Variants in STK32B observed in about 807,000 individuals in gnomAD.
The protein encoded by STK32B is serine/threonine-protein kinase 32B.
In STK32B, 43 loss-of-function variants were observed where a neutral mutation model predicts 52.6. The observed-to-expected ratio is 0.82, with a 90% CI of 0.64 to 1.05. The LOEUF is 1.05. Ranked by LOEUF, STK32B falls within the 50% of genes least tolerant of loss-of-function variation. STK32B has a pLI of 0.00. For synonymous variants in STK32B, 238 were observed against 204.3 expected, an observed-to-expected ratio of 1.17 and a Z score of -1.41; for missense variants, 621 against 534.6, an observed-to-expected ratio of 1.16 and a Z score of -1.59.
At chr4:5,091,835 G>A (rs7693469) in intron 1 of STK32B, among the ~76,000 whole-genome samples, 55,507 of 152,140 alleles carry the variant, frequency 0.36, 10,660 homozygotes, top group Middle Eastern at 0.45. Context: ...TAAACATAAT[G>A]TGGTGTATCC....
chr4:5,206,158 T>C (rs769228162), intron 3 of STK32B, among the ~76,000 whole-genome samples: 9 of 152,198 alleles, frequency 5.9e-5, no homozygotes, highest in South Asian at 2.1e-4. Context: ...TAGTCAAATA[T>C]CTTTCTATGT....
intron 1 of STK32B, among the ~76,000 whole-genome samples, chr4:5,112,514 C>G (rs904578837): frequency 2.0e-5 from 3 of 152,132 alleles, no homozygotes; most frequent in African/African-American, 4.8e-5. Flanking sequence ...TTCCCTTCTA[C>G]TAGAGGAAGG....
chr4:5,336,517 G>A (rs945952471), intron 4 of STK32B, among the ~76,000 whole-genome samples: 1 of 151,910 alleles, frequency 6.6e-6, no homozygotes, highest in Non-Finnish European at 1.5e-5. Context: ...ATGTTCAGAC[G>A]ATAAAAGAAG....
rs1717495815 is a variant in STK32B at position 5,467,052 on chromosome 4, G to A, written c.1041+218G>A. 6.6e-6 allele frequency among the ~76,000 whole-genome samples: 1 copy of A among 152,228 alleles called. No individual in the cohort carries two copies. Among genetic ancestry groups the A allele is most frequent in the African/African-American group, 2.4e-5 (1 of 41,472 alleles). ...TTCCTTGAGCGCTATTCCTACAGCA[G>A]GAAGCTTGTGTAGCTCTAAGGCAGG... On this transcript the variant is annotated intron_variant, in intron 10 of 11. Transcript: ENST00000282908. The surrounding 1 kb of genome is among the most constrained non-coding windows in gnomAD (Gnocchi z 5.8).
chr4:5,171,574 C>G (rs1176761358), intron 3 of STK32B, among the ~76,000 whole-genome samples: 2 of 152,026 alleles, frequency 1.3e-5, no homozygotes, highest in Non-Finnish European at 1.5e-5. Context: ...AATCCTTTCC[C>G]CATTGCTTGT....
At chr4:5,478,617 TGTTGTATTAGA>T (rs924902879) in intron 11 of STK32B, among the ~76,000 whole-genome samples, 2 of 152,156 alleles carry the variant, frequency 1.3e-5, no homozygotes, top group African/African-American at 4.8e-5. Context: ...ACTGGAAAGA[TGTTGTATTAGA>T]GTCCCAGAGA....
At chr4:5,081,742 A>T (rs58518403) in intron 1 of STK32B, among the ~76,000 whole-genome samples, 3,269 of 151,902 alleles carry the variant, frequency 0.022, 132 homozygotes, top group African/African-American at 0.074. Context: ...TATTCTTTCC[A>T]TCTCTTTGTT....
intron 1 of STK32B, chr4:5,127,035 C>G: frequency 2.1e-6 from 1 of 476,454 alleles, no homozygotes; most frequent in South Asian, 1.5e-5. Context: ...TCAGAATGCT[C>G]AATGCTGAGA....
intron 3 of STK32B, among the ~76,000 whole-genome samples, chr4:5,306,388 G>T (rs892328933): frequency 6.6e-6 from 1 of 152,126 alleles, no homozygotes; most frequent in Non-Finnish European, 1.5e-5. Flanking sequence ...GGGAACTCCA[G>T]CGTTAGGTTC....
At chr4:5,040,160 A>C in the STK32B span, among the ~76,000 whole-genome samples, 2 of 152,178 alleles carry the variant, frequency 1.3e-5, no homozygotes. Flanking sequence ...CTGCAAAGGC[A>C]ATTGGAACAC....
chr4:5,075,570 TA>T (rs1204674996), intron 1 of STK32B, among the ~76,000 whole-genome samples: 2 of 152,152 alleles, frequency 1.3e-5, no homozygotes, highest in Non-Finnish European at 1.5e-5. Context: ...CTCCTTTTAA[TA>T]TTAGTTTATC....
intron 3 of STK32B, among the ~76,000 whole-genome samples, chr4:5,196,295 T>C (rs1446596154): frequency 6.7e-6 from 1 of 149,900 alleles, no homozygotes; most frequent in Non-Finnish European, 1.5e-5. Context: ...TCTTCTTCTT[T>C]CCTTTTCCCT....
the STK32B span, among the ~76,000 whole-genome samples, chr4:5,040,686 C>T: frequency 1.8e-3 from 271 of 152,240 alleles, 3 homozygotes; most frequent in African/African-American, 6.3e-3. Context: ...CTGCGCCCGG[C>T]CAAGCAGTAG....
intron 4 of STK32B, among the ~76,000 whole-genome samples, chr4:5,375,987 G>T (rs961717762): frequency 1.3e-5 from 2 of 152,150 alleles, no homozygotes; most frequent in African/African-American, 2.4e-5. Context: ...ATCTCTGCAT[G>T]TCCCAGCACC....
chr4:5,160,572 A>G (rs1016265493), intron 2 of STK32B, among the ~76,000 whole-genome samples: 2 of 152,066 alleles, frequency 1.3e-5, no homozygotes, highest in African/African-American at 2.4e-5. Context: ...TATCTGGTTT[A>G]GGATCCCCCT....
intron 4 of STK32B, among the ~76,000 whole-genome samples, chr4:5,338,952 T>G (rs1178420633): frequency 6.6e-6 from 1 of 152,176 alleles, no homozygotes; most frequent in African/African-American, 2.4e-5. Context: ...GATCAGCATT[T>G]GAATAAGTGA....
At position 5,302,049 on chromosome 4, in the gene STK32B, G is replaced by A. The variant is rs181553231; in HGVS notation, c.261-29171G>A. 7.8e-3 allele frequency among the ~76,000 whole-genome samples: 1,182 copies of A among 151,352 alleles called. 7 individuals are homozygous for A. Among genetic ancestry groups the A allele is most frequent in the Non-Finnish European group, 0.012 (843 of 67,728 alleles). ...GTGTAATAAAAACATTTTCTAGTAT[G>A]CTATTTTAATTACTTTGTTCTTTCT... On this transcript the variant is annotated intron_variant, in intron 3 of 11. Transcript: ENST00000282908.
At chr4:5,426,085 G>C (rs1313349763) in intron 6 of STK32B, among the ~76,000 whole-genome samples, 2 of 152,136 alleles carry the variant, frequency 1.3e-5, no homozygotes, top group East Asian at 3.9e-4. Context: ...TTTTATATGA[G>C]CTTAAATTTC....
At chr4:5,456,562 T>C (rs1716537322) in intron 7 of STK32B, among the ~76,000 whole-genome samples, 1 of 152,112 alleles carries the variant, frequency 6.6e-6, no homozygotes, top group African/African-American at 2.4e-5. Context: ...GTGACCTCGG[T>C]GAGCCACCCC....
Sources: allele counts gnomAD v4.1 joint callset (sites outside exome capture counted in the v4.1 genomes callset), GRCh38; gene constraint gnomAD v4.1.1; non-coding constraint Gnocchi (gnomAD v3.1); transcripts MANE v1.5; gene names NCBI Gene and HGNC (gene_info 2026-07-23, HGNC 2026-07-21).